The following LLGL1 variants were observed in gnomAD, a reference collection of about 807,000 sequenced individuals.
The protein encoded by LLGL1 is LLGL scribble cell polarity complex component 1.
In LLGL1, 58 loss-of-function variants were observed where a neutral mutation model predicts 110.6. That is an observed-to-expected ratio of 0.52 (90% confidence interval 0.42 to 0.65). The LOEUF (loss-of-function observed/expected upper bound fraction) is 0.65. Among genes scored for constraint, LLGL1 ranks in the 30% least tolerant of loss-of-function variants. LLGL1 has a pLI of 0.00. For synonymous variants in LLGL1, 674 were observed against 607.2 expected, an observed-to-expected ratio of 1.11 and a Z score of -1.62; for missense variants, 1,229 against 1,462.1, an observed-to-expected ratio of 0.84 and a Z score of 2.60.
chr17:18,230,103 C>A, intron 2 of LLGL1, 65 bp downstream of exon 2: 1 of 1,279,548 alleles, frequency 7.8e-7, no homozygotes, highest in South Asian at 1.3e-5. Context: ...TCCCTGTGCT[C>A]TGGGGTCCCA....
chr17:18,238,360 G>A (rs984797868), intron 15 of LLGL1, 96 bp from the exon 16 acceptor site: 6 of 1,566,706 alleles, frequency 3.8e-6, no homozygotes, highest in Middle Eastern at 1.7e-4. Context: ...AACTAAGCTG[G>A]GTGGTAGAGG....
rs115967277 is a variant in LLGL1 at position 18,229,963 on chromosome 17, A to C, written c.104A>C (p.Asn35Thr). The part of the protein sequence containing the change: ...FNKTVEHGFP[N>T]QPSALAFDPE... ...CAGACTGTGGAGCATGGCTTCCCCA[A>C]TCAGCCCAGCGCCCTGGCCTTCGAC... The change falls in exon 2 of 23, where the codon AAT becomes ACT. Residue 35 changes from asparagine (N) to threonine (T), a missense_variant. Physicochemically the swap from Asn to Thr is moderately conservative, Grantham distance 65. Coordinates refer to ENST00000316843, the MANE Select transcript of LLGL1 (RefSeq NM_004140.4). 7.5e-6 allele frequency: 12 copies of C among 1,610,582 alleles called. No homozygotes were observed. The highest frequency in any genetic ancestry group is 1.0e-5 in the Non-Finnish European group (12 of 1,179,068).
At chr17:18,242,482 A>G (rs370080557) in intron 20 of LLGL1, 26 bp from the exon 21 acceptor site, 21 of 1,613,354 alleles carry the variant, frequency 1.3e-5, no homozygotes, top group Admixed American at 3.3e-5. Context: ...GGGTCCTGGT[A>G]GGGGCTGATG....
chr17:18,234,398 C>G lies in LLGL1; in HGVS notation c.840C>G (p.Thr280=). The G allele has an allele frequency of 6.2e-7, 1 of 1,612,672 alleles. No individual in the cohort carries two copies. The highest frequency in any genetic ancestry group is 8.5e-7 in the Non-Finnish European group (1 of 1,179,908). ...CAACGCTGCAGCCCACGGTAGCCAC[C>G]ACACCTTACGGTGAGTGCTGGGGAC... ...SFPTLQPTVA[T]TPYGPFPCKA... is the part of the protein sequence containing the mutation. Residue 280 remains threonine, a synonymous_variant, in exon 7 of 23, where the codon ACC becomes ACG. Coordinates refer to ENST00000316843, the MANE Select transcript of LLGL1 (RefSeq NM_004140.4).
intron 6 of LLGL1, 31 bp downstream of exon 6, chr17:18,234,206 C>A (rs1567688921): frequency 5.0e-6 from 8 of 1,601,028 alleles, no homozygotes; most frequent in African/African-American, 2.7e-5. Flanking sequence ...TCCCCTCAGC[C>A]TGGGCCCCTT....
rs2047725256 is a variant in LLGL1 at position 18,237,627 on chromosome 17, C to T, written c.1758C>T (p.Gly586=). The T allele has an allele frequency of 1.2e-6, 2 of 1,611,646 alleles. No homozygotes were observed. The highest frequency in any genetic ancestry group is 1.3e-5 in the African/African-American group (1 of 75,008). ...PRTGPLPWPA[G]FQPRVLVQCL... ...CGGGGCCGCTGCCCTGGCCTGCTGG[C>T]TTCCAGCCCCGTGTCCTGGTGCAGT... Residue 586 remains glycine (G), a synonymous_variant, in exon 14 of 23, where the codon GGC becomes GGT. Coordinates refer to ENST00000316843, the MANE Select transcript of LLGL1 (RefSeq NM_004140.4).
chr17:18,238,192 G>A lies in LLGL1; in HGVS notation c.2030G>A (p.Arg677Gln), dbSNP rs757236980. The A allele has an allele frequency of 1.6e-5, 26 of 1,611,984 alleles. No homozygotes were observed. In the Admixed American group the frequency reaches 2.7e-4, roughly 17 times the overall value. ...IRKSRVSGKK[R>Q]AANASSKLQE... is the part of the protein sequence containing the mutation. ...AAGAGTCGTGTCTCTGGCAAGAAGC[G>A]GGCTGCTAATGCCAGCAGCAAGGTG... The change falls in exon 15 of 23, where the codon CGG becomes CAG. Residue 677 changes from arginine to glutamine, a missense_variant. By Grantham distance (43) the Arg-to-Gln change is conservative. Coordinates refer to ENST00000316843, the MANE Select transcript of LLGL1 (RefSeq NM_004140.4).
At chr17:18,234,465 C>A in intron 7 of LLGL1, 57 bp downstream of exon 7, 1 of 1,595,280 alleles carries the variant, frequency 6.3e-7, no homozygotes. Flanking sequence ...CACCACTGAG[C>A]CAAGCCAAAC....
chr17:18,239,464 C>T (rs2047773213), intron 16 of LLGL1, among the ~76,000 whole-genome samples: 2 of 152,144 alleles, frequency 1.3e-5, no homozygotes, highest in Non-Finnish European at 2.9e-5. Context: ...TGCCACCAGC[C>T]ATGTGCCCCT....
rs372409561 is a variant in LLGL1 at position 18,237,790 on chromosome 17, C to T, written c.1904+17C>T. On this transcript the variant is annotated intron_variant, in intron 14 of 22. Coordinates refer to ENST00000316843, the MANE Select transcript of LLGL1 (RefSeq NM_004140.4). ...GCTGGCCAGGTGTGTGGGGTGGGGC[C>T]GGCTGGGCAGTTGGAGCCCCCAGCG... 3.5e-5 allele frequency: 56 copies of T among 1,587,646 alleles called. No individual in the cohort carries two copies. The highest frequency in any genetic ancestry group is 2.0e-4 in the East Asian group (9 of 44,380).
chr17:18,239,340 G>A (rs1461539007), intron 16 of LLGL1, among the ~76,000 whole-genome samples: 2 of 152,182 alleles, frequency 1.3e-5, no homozygotes, highest in African/African-American at 2.4e-5. Flanking sequence ...GCCCTGGGAA[G>A]GTCCTGGATT....
Position 18,225,706 on chromosome 17 carries a change from G to A in LLGL1, c.24G>A (p.Arg8=), listed in dbSNP as rs1428761308. The A allele has an allele frequency of 1.4e-5, 15 of 1,050,594 alleles. No homozygotes were observed. The highest frequency in any genetic ancestry group is 4.8e-5 in the Admixed American group (1 of 20,744). 65.1% of individuals were successfully genotyped at this position (1,050,594 alleles called of 1,614,324 possible). The change falls in exon 1 of 23, where the codon CGG becomes CGA. Residue 8 remains arginine, a synonymous_variant. Transcript: ENST00000316843. MMKFRFR[R]QGADPQREKL... is the part of the protein sequence containing the mutation. ...AGATGATGAAGTTTCGGTTCCGGCG[G>A]CAGGGCGCCGACCCGCAGCGCGAGA...
At chr17:18,243,147 G>A (rs952732782) in intron 22 of LLGL1, among the ~76,000 whole-genome samples, 10 of 152,172 alleles carry the variant, frequency 6.6e-5, no homozygotes, top group Non-Finnish European at 1.0e-4. Flanking sequence ...TTGCTCTGTC[G>A]CCCAGGCTGG....
chr17:18,238,567 G>T lies in LLGL1; in HGVS notation c.2164G>T (p.Val722Phe). 2 of 1,613,036 alleles carry T rather than the reference G, an allele frequency of 1.2e-6. No homozygotes were observed. The highest frequency in any genetic ancestry group is 1.7e-6 in the Non-Finnish European group (2 of 1,180,014). The change falls in exon 16 of 23, where the codon GTC (valine) becomes TTC (phenylalanine). Residue 722 changes from valine (V) to phenylalanine (F), a missense_variant. Val to Phe is a conservative substitution (Grantham distance 50). Coordinates refer to ENST00000316843, the MANE Select transcript of LLGL1 (RefSeq NM_004140.4). ...PRSADDSLSG[V>F]VRCLYFADTF... is the part of the protein sequence containing the mutation. ...CTCTGCCGATGACTCCTTGTCGGGT[G>T]TCGTGCGTTGCCTATACTTTGCCGA...
Position 18,233,775 on chromosome 17 carries a change from C to T in LLGL1, c.393-3C>T, listed in dbSNP as rs1357196669. The T allele has an allele frequency of 6.2e-6, 10 of 1,611,474 alleles. No individual in the cohort carries two copies. In the South Asian group the frequency reaches 1.1e-4, roughly 18 times the overall value. On this transcript the variant is annotated splice_region_variant and splice_polypyrimidine_tract_variant and intron_variant, in intron 4 of 22. Transcript: ENST00000316843. The stretch of plus-strand genomic sequence containing the variant: ...CTCACTCCCTTCCCCTTGTTCCCTG[C>T]AGTGCTCCGCTCAGCCTTACCCGAG...
In LLGL1 at chr17:18,232,693, G is replaced by A; in HGVS notation, c.283G>A (p.Asp95Asn). The A allele has an allele frequency of 6.2e-7, 1 of 1,614,194 alleles. No homozygotes were observed. The highest frequency in any genetic ancestry group is 1.7e-5 in the Admixed American group (1 of 60,028). Reference sequence around the variant, plus strand: ...CCAGGGCCGCCTCCTGTCCCTGCTTGATGACAGCAGTCTGCATCTCTGGGA... The same window carrying A: ...CCAGGGCCGCCTCCTGTCCCTGCTTAATGACAGCAGTCTGCATCTCTGGGA... ...TGQGRLLSLLDDSSLHLWEIV... is the reference protein window; with the variant it reads ...TGQGRLLSLLNDSSLHLWEIV... Residue 95 changes from aspartate to asparagine, a missense_variant, in exon 4 of 23, where the codon GAT becomes AAT. Asp to Asn is a conservative substitution (Grantham distance 23). Coordinates refer to ENST00000316843, the MANE Select transcript of LLGL1 (RefSeq NM_004140.4).
rs1210573536 is a variant in LLGL1, at chr17:18,233,841, C to G, written c.456C>G (p.Ala152=). 1 of 1,613,908 alleles carries G rather than the reference C, an allele frequency of 6.2e-7. No individual in the cohort carries two copies. Among genetic ancestry groups the G allele is most frequent in the African/African-American group, 1.3e-5 (1 of 75,048 alleles). Residue 152 remains alanine (A), a synonymous_variant, in exon 5 of 23, where the codon GCC becomes GCG. Transcript: ENST00000316843. ...VLLVAASDIA[A]LGTEGSSVFF... ...TGGTGGCTGCCAGCGACATAGCAGC[C>G]CTGGGCACTGAGGGCAGCAGTGTCT... is the stretch of plus-strand genomic sequence containing the variant.
At chr17:18,230,635 G>T (rs1346030860) in intron 2 of LLGL1, among the ~76,000 whole-genome samples, 1 of 152,130 alleles carries the variant, frequency 6.6e-6, no homozygotes, top group Non-Finnish European at 1.5e-5. Context: ...CAGCCCTGGA[G>T]AATCCCACCC....
chr17:18,231,459 C>T (rs959287039), intron 2 of LLGL1, among the ~76,000 whole-genome samples: 3 of 152,218 alleles, frequency 2.0e-5, no homozygotes, highest in Non-Finnish European at 4.4e-5. Flanking sequence ...CACCCTCTGT[C>T]ATGGGGCCCC....
Sources: allele counts gnomAD v4.1 joint callset (sites outside exome capture counted in the v4.1 genomes callset), GRCh38; gene constraint gnomAD v4.1.1; transcripts MANE v1.5; gene names NCBI Gene and HGNC (gene_info 2026-07-23, HGNC 2026-07-21).